Variants in PRKCE observed in about 807,000 individuals in gnomAD.
PRKCE encodes the protein protein kinase C epsilon type.
Under a neutral mutation model 85.4 loss-of-function variants are expected in PRKCE, and 16 were observed. The ratio of observed to expected loss-of-function variants is 0.19; its 90% CI spans 0.13 to 0.28. The LOEUF is 0.28. Among genes scored for constraint, PRKCE ranks in the 10% least tolerant of loss-of-function variants. The probability of loss-of-function intolerance (pLI) is 1.00; values close to 1 mark genes in which losing one functional copy is unlikely to be tolerated. For synonymous variants in PRKCE, 388 were observed against 371.5 expected, an observed-to-expected ratio of 1.04 and a Z score of -0.51; for missense variants, 573 against 975.2, an observed-to-expected ratio of 0.59 and a Z score of 5.49.
intron 1 of PRKCE, among the ~76,000 whole-genome samples, chr2:45,797,129 C>T (rs1266205581): frequency 6.6e-6 from 1 of 152,154 alleles, no homozygotes; most frequent in Non-Finnish European, 1.5e-5. Context: ...TCACAGATTG[C>T]CTGTGACCGC....
chr2:45,891,204 C>A (rs894485665), intron 2 of PRKCE, among the ~76,000 whole-genome samples: 1 of 152,162 alleles, frequency 6.6e-6, no homozygotes, highest in African/African-American at 2.4e-5. Flanking sequence ...GTCCTTACAG[C>A]CTTTACCAAT....
intron 11 of PRKCE, among the ~76,000 whole-genome samples, chr2:46,089,131 C>A (rs1669923965): frequency 6.6e-6 from 1 of 152,316 alleles, no homozygotes; most frequent in Admixed American, 6.5e-5. Flanking sequence ...CCATTCTTAT[C>A]ACAGTGGCTG....
chr2:46,156,068 A>C (rs1178124382), intron 13 of PRKCE, among the ~76,000 whole-genome samples: 1 of 152,044 alleles, frequency 6.6e-6, no homozygotes, highest in Non-Finnish European at 1.5e-5. Flanking sequence ...GGAAAAAAAA[A>C]AAAAAAGAAT....
At chr2:45,831,013 G>A (rs1690377551) in intron 1 of PRKCE, among the ~76,000 whole-genome samples, 1 of 152,236 alleles carries the variant, frequency 6.6e-6, no homozygotes, top group Non-Finnish European at 1.5e-5. Context: ...CAGTGCTACA[G>A]TTGTGCAGCA....
chr2:46,183,863 G>A (rs1680232611), intron 14 of PRKCE, among the ~76,000 whole-genome samples: 1 of 152,102 alleles, frequency 6.6e-6, no homozygotes, highest in Admixed American at 6.5e-5. Context: ...TCAACTCTAA[G>A]CCCCTAAAGG....
At chr2:46,118,490 CAAGGTGTT>C (rs1672988095) in intron 11 of PRKCE, among the ~76,000 whole-genome samples, 1 of 152,134 alleles carries the variant, frequency 6.6e-6, no homozygotes, top group Non-Finnish European at 1.5e-5. Flanking sequence ...GTATCAGAAG[CAAGGTGTT>C]AAATATTATC....
chr2:45,804,836 G>A (rs577721621), intron 1 of PRKCE, among the ~76,000 whole-genome samples: 6 of 152,202 alleles, frequency 3.9e-5, no homozygotes, highest in African/African-American at 4.8e-5. Context: ...GTATAGGAAG[G>A]CCAACCAGGA....
At chr2:45,978,338 G>A (rs561515738) in intron 3 of PRKCE, 5 of 152,408 alleles carry the variant, frequency 3.3e-5, no homozygotes, top group African/African-American at 1.2e-4. Flanking sequence ...ACCATCTGTA[G>A]TTAGTACACT....
At chr2:45,778,608 G>C (rs1382828729) in intron 1 of PRKCE, among the ~76,000 whole-genome samples, 1 of 152,108 alleles carries the variant, frequency 6.6e-6, no homozygotes, top group Admixed American at 6.6e-5. Context: ...TTCATTATTG[G>C]TTTTTAGCGG....
chr2:46,172,299 G>T (rs183937641), intron 14 of PRKCE, among the ~76,000 whole-genome samples: 7 of 152,324 alleles, frequency 4.6e-5, no homozygotes, highest in African/African-American at 1.7e-4. Flanking sequence ...ACATATCCAG[G>T]CCATTCCTCA....
At chr2:45,751,535 C>G (rs1056629988) in intron 1 of PRKCE, among the ~76,000 whole-genome samples, 3 of 152,052 alleles carry the variant, frequency 2.0e-5, no homozygotes, top group Admixed American at 6.6e-5. Context: ...ATGTATAACT[C>G]TTGTTTCTCT....
intron 2 of PRKCE, among the ~76,000 whole-genome samples, chr2:45,909,879 C>G (rs1573840555): frequency 6.6e-6 from 1 of 152,210 alleles, no homozygotes; most frequent in East Asian, 1.9e-4. Context: ...TTAATTTTCC[C>G]CAAACCTTAT....
chr2:46,065,330 G>A (rs1401502326), intron 10 of PRKCE, among the ~76,000 whole-genome samples: 1 of 152,056 alleles, frequency 6.6e-6, no homozygotes, highest in Non-Finnish European at 1.5e-5. Flanking sequence ...ACGGGAAACA[G>A]TTTTGGGGTT....
chr2:45,914,079 C>T (rs1422009383), intron 2 of PRKCE, among the ~76,000 whole-genome samples: 1 of 152,206 alleles, frequency 6.6e-6, no homozygotes, highest in African/African-American at 2.4e-5. Flanking sequence ...TACAGCTCTA[C>T]ATGTGTAGCA....
At chr2:45,796,049 T>C (rs1419577305) in intron 1 of PRKCE, among the ~76,000 whole-genome samples, 1 of 152,260 alleles carries the variant, frequency 6.6e-6, no homozygotes, top group African/African-American at 2.4e-5. Context: ...TTGAAAGCAG[T>C]TGTTCTTCAC....
chr2:45,895,310 C>G lies in PRKCE; in HGVS notation c.412+52247C>G, dbSNP rs1573785213. On this transcript the variant is annotated intron_variant, in intron 2 of 14. Coordinates refer to ENST00000306156, the MANE Select transcript of PRKCE (RefSeq NM_005400.3). The surrounding 1 kb of genome is among the most constrained non-coding windows in gnomAD (Gnocchi z 4.8). ...AGCTACGGTAACAGTACCTCTCCAT[C>G]CACAGTGACTTATATGGACTTAAGG... 6.6e-6 allele frequency among the ~76,000 whole-genome samples: 1 copy of G among 152,148 alleles called. No individual in the cohort carries two copies. Among genetic ancestry groups the G allele is most frequent in the African/African-American group, 2.4e-5 (1 of 41,414 alleles).
At chr2:46,069,244 A>C (rs1007484077) in intron 10 of PRKCE, among the ~76,000 whole-genome samples, 1 of 152,194 alleles carries the variant, frequency 6.6e-6, no homozygotes, top group African/African-American at 2.4e-5. Flanking sequence ...CCTGTTGCTC[A>C]CCACCTGGAA....
At chr2:46,173,139 T>C (rs983496393) in intron 14 of PRKCE, among the ~76,000 whole-genome samples, 4 of 152,260 alleles carry the variant, frequency 2.6e-5, no homozygotes, top group African/African-American at 9.6e-5. Context: ...TGTGCAGCCC[T>C]AGAATAAGAA....
At chr2:46,086,170 T>A in intron 10 of PRKCE, 38 bp from the exon 11 acceptor site, 1 of 1,593,834 alleles carries the variant, frequency 6.3e-7, no homozygotes, top group South Asian at 1.1e-5. Context: ...GCAGCTGCAA[T>A]CAAATGACCC....
Sources: gnomAD v4.1 joint callset for allele counts (sites outside exome capture counted in the v4.1 genomes callset) on GRCh38, gnomAD v4.1.1 for gene constraint, Gnocchi (gnomAD v3.1) non-coding constraint, MANE v1.5 for transcripts, NCBI Gene and HGNC (gene_info 2026-07-23, HGNC 2026-07-21) for gene names.